The following ANXA8 variants were observed in gnomAD, a reference collection of about 807,000 sequenced individuals.
ANXA8 encodes annexin A8.
A neutral mutation model predicts 26.8 loss-of-function variants in ANXA8; 9 were observed. That is an observed-to-expected ratio of 0.34 (90% CI 0.20 to 0.59). The LOEUF (loss-of-function observed/expected upper bound fraction) is 0.59. Ranked by LOEUF, ANXA8 falls within the 20% of genes least tolerant of loss-of-function variation. ANXA8 has a pLI of 0.84. For missense variants in ANXA8, 83 were observed against 238.5 expected, an observed-to-expected ratio of 0.35 and a Z score of 4.29; for synonymous variants, 39 against 94.8, an observed-to-expected ratio of 0.41 and a Z score of 3.42.
At chr10:47,943,748 C>G in the ANXA8 span, among the ~76,000 whole-genome samples, 55 of 150,696 alleles carry the variant, frequency 3.6e-4, no homozygotes, top group African/African-American at 1.2e-3. Flanking sequence ...TGAGTTGTAC[C>G]TTGAACCACA....
chr10:47,871,410 T>TGA, the ANXA8 span, among the ~76,000 whole-genome samples: 1 of 149,196 alleles, frequency 6.7e-6, no homozygotes, highest in South Asian at 2.2e-4. Context: ...ATATGTAATT[T>TGA]GAGATGGGTT....
chr10:47,887,932 G>A, the ANXA8 span, among the ~76,000 whole-genome samples: 1 of 2,598 alleles, frequency 3.8e-4, no homozygotes, highest in East Asian at 4.3e-3. Flanking sequence ...AGCTGCAGTG[G>A]TTCCAGATTG....
At chr10:47,508,079 T>G in the ANXA8 span, among the ~76,000 whole-genome samples, 3 of 127,998 alleles carry the variant, frequency 2.3e-5, no homozygotes, top group Non-Finnish European at 3.3e-5. Context: ...TTTGGGGGGG[T>G]GGTGGGTGGA....
chr10:47,556,141 AAAG>A, the ANXA8 span, among the ~76,000 whole-genome samples: 2 of 151,900 alleles, frequency 1.3e-5, no homozygotes, highest in Non-Finnish European at 2.9e-5. Context: ...TTTTTAAAAT[AAAG>A]AAGATCTGGT....
At chr10:47,976,687 A>C in the ANXA8 span, among the ~76,000 whole-genome samples, 1 of 149,016 alleles carries the variant, frequency 6.7e-6, no homozygotes, top group South Asian at 2.2e-4. Context: ...AGTTGTTACT[A>C]TTTGATCTGT....
At chr10:47,631,990 A>G in the ANXA8 span, among the ~76,000 whole-genome samples, 398 of 152,214 alleles carry the variant, frequency 2.6e-3, no homozygotes, top group African/African-American at 9.0e-3. Flanking sequence ...TCTAATAATA[A>G]TGCTTGCACT....
chr10:47,555,176 C>A, the ANXA8 span, among the ~76,000 whole-genome samples: 1 of 144,600 alleles, frequency 6.9e-6, no homozygotes, highest in African/African-American at 2.5e-5. Flanking sequence ...CAGTGCCCAG[C>A]AGGTCCCACT....
At chr10:47,733,173 CTTT>C in the ANXA8 span, among the ~76,000 whole-genome samples, 13 of 100,680 alleles carry the variant, frequency 1.3e-4, no homozygotes, top group Admixed American at 3.2e-4. Flanking sequence ...TTCTTTCTTT[CTTT>C]CTTTCTTTCT....
At chr10:47,985,140 C>T in the ANXA8 span, among the ~76,000 whole-genome samples, 3 of 147,188 alleles carry the variant, frequency 2.0e-5, 1 homozygote, top group Admixed American at 2.0e-4. Context: ...AAAAAAAAAT[C>T]TGATAAGAAA....
At position 47,480,795 on chromosome 10, in the gene ANXA8, G is replaced by A. The variant is rs1328923259; in HGVS notation, c.22-907C>T. 1.0e-4 allele frequency among the ~76,000 whole-genome samples: 12 copies of A among 117,176 alleles called. 1 individual carries two copies. The highest frequency in any genetic ancestry group is 9.2e-5 in the Admixed American group (1 of 10,860). The allele number at this position is 117,176 out of a possible 152,430, so 76.9% of individuals were successfully genotyped here. Reference sequence around the variant, plus strand: ...TCTGCCCATCTACTTTCCCACCTACGCACTTACCCATTTGACTACCACATC... The same window carrying A: ...TCTGCCCATCTACTTTCCCACCTACACACTTACCCATTTGACTACCACATC... On this transcript the variant is annotated intron_variant, in intron 1 of 11. Transcript: ENST00000585281.
At chr10:47,941,384 G>T in the ANXA8 span, among the ~76,000 whole-genome samples, 1 of 146,638 alleles carries the variant, frequency 6.8e-6, no homozygotes, top group Non-Finnish European at 1.5e-5. Flanking sequence ...GCTGGGTGTG[G>T]TGGCTCACGT....
chr10:47,619,204 T>TC, the ANXA8 span, among the ~76,000 whole-genome samples: 2 of 113,236 alleles, frequency 1.8e-5, no homozygotes, highest in Non-Finnish European at 3.9e-5. Context: ...AAGAATACTC[T>TC]GTAATTTTTA....
the ANXA8 span, among the ~76,000 whole-genome samples, chr10:47,719,511 AG>A: frequency 9.7e-6 from 1 of 103,564 alleles, no homozygotes; most frequent in African/African-American, 4.1e-5. Flanking sequence ...GCAAGGAGAG[AG>A]GGCATGTTAG....
the ANXA8 span, among the ~76,000 whole-genome samples, chr10:47,681,220 T>C: frequency 1.3e-5 from 2 of 151,822 alleles, no homozygotes; most frequent in African/African-American, 4.8e-5. Context: ...TGATGAGAAA[T>C]TGGAAGTAGA....
chr10:47,949,216 A>C, the ANXA8 span, among the ~76,000 whole-genome samples: 1 of 134,718 alleles, frequency 7.4e-6, no homozygotes, highest in Admixed American at 7.4e-5. Context: ...ATCTATTCCA[A>C]AATTGGGTCT....
the ANXA8 span, among the ~76,000 whole-genome samples, chr10:47,587,868 G>A: frequency 2.7e-5 from 4 of 146,176 alleles, 1 homozygote; most frequent in South Asian, 2.1e-4. Flanking sequence ...GTCCAACAGC[G>A]ATTGGCCACA....
the ANXA8 span, among the ~76,000 whole-genome samples, chr10:47,672,596 G>A: frequency 5.3e-5 from 8 of 151,980 alleles, no homozygotes; most frequent in Admixed American, 2.6e-4. Flanking sequence ...CCCTTGTGGA[G>A]GAGACAGTTA....
chr10:47,669,659 G>A, the ANXA8 span, among the ~76,000 whole-genome samples: 9 of 151,678 alleles, frequency 5.9e-5, no homozygotes, highest in Admixed American at 1.3e-4. Flanking sequence ...AGGTTGCAGC[G>A]TGCTGAGATC....
At chr10:47,673,294 C>A in the ANXA8 span, among the ~76,000 whole-genome samples, 2 of 151,458 alleles carry the variant, frequency 1.3e-5, no homozygotes, top group Non-Finnish European at 2.9e-5. Context: ...GGGCAACCAC[C>A]CTTAGAAGGC....
Sources: gnomAD v4.1 joint callset for allele counts (sites outside exome capture counted in the v4.1 genomes callset) on GRCh38, gnomAD v4.1.1 for gene constraint, MANE v1.5 for transcripts, NCBI Gene and HGNC (gene_info 2026-07-23, HGNC 2026-07-21) for gene names.